Variants in MECOM observed in about 807,000 individuals in gnomAD.
MECOM encodes the protein MDS1 and EVI1 complex locus.
MECOM carries 13 observed loss-of-function variants against 116.3 expected under a neutral mutation model. The ratio of observed to expected loss-of-function variants is 0.11; its 90% confidence interval spans 0.07 to 0.18. The LOEUF (loss-of-function observed/expected upper bound fraction) is 0.18, where lower values mean the gene tolerates loss of function less well. Ranked by LOEUF, MECOM falls within the 10% of genes least tolerant of loss-of-function variation. MECOM has a pLI of 1.00. For missense variants in MECOM, 1,299 were observed against 1,509.0 expected (o/e 0.86, Z 2.31); for synonymous variants, 528 against 535.2 (o/e 0.99, Z 0.19).
At chr3:169,309,817 G>A (rs894530244) in intron 2 of MECOM, among the ~76,000 whole-genome samples, 5 of 152,092 alleles carry the variant, frequency 3.3e-5, no homozygotes, top group South Asian at 2.1e-4. Context: ...AACTCATGTC[G>A]CCACCTTGAG....
intron 5 of MECOM, among the ~76,000 whole-genome samples, chr3:169,124,069 T>C (rs116816521): frequency 1.7e-3 from 253 of 152,194 alleles, no homozygotes; most frequent in Non-Finnish European, 3.0e-3. Context: ...GAAACAATGA[T>C]AGAGTTAGAG....
At chr3:169,097,678 G>C (rs572425077) in intron 12 of MECOM, among the ~76,000 whole-genome samples, 1 of 151,882 alleles carries the variant, frequency 6.6e-6, no homozygotes, top group African/African-American at 2.4e-5. Context: ...GTAAGATATG[G>C]ATTCTCCGGG....
chr3:169,152,527 T>C (rs900675316), intron 2 of MECOM, among the ~76,000 whole-genome samples: 3 of 152,198 alleles, frequency 2.0e-5, no homozygotes, highest in African/African-American at 7.2e-5. Context: ...TACTCTCCTA[T>C]TCGGCTCTCC....
At chr3:169,292,439 A>G (rs73034967) in intron 2 of MECOM, among the ~76,000 whole-genome samples, 5,679 of 152,250 alleles carry the variant, frequency 0.037, 284 homozygotes, top group African/African-American at 0.11. Context: ...CCCCTACAGA[A>G]TCCCTTCCTG....
At chr3:169,135,546 A>G (rs1322979346) in intron 3 of MECOM, among the ~76,000 whole-genome samples, 4 of 151,958 alleles carry the variant, frequency 2.6e-5, no homozygotes, top group Non-Finnish European at 5.9e-5. Context: ...AGTCATAATA[A>G]ATATTTTAAA....
chr3:169,233,655 T>C (rs1391812668), intron 2 of MECOM, among the ~76,000 whole-genome samples: 1 of 152,180 alleles, frequency 6.6e-6, no homozygotes, highest in Non-Finnish European at 1.5e-5. Context: ...TTTTTATTTC[T>C]CTGCCAGTGA....
intron 1 of MECOM, among the ~76,000 whole-genome samples, chr3:169,414,719 C>T (rs902288091): frequency 3.3e-5 from 5 of 152,116 alleles, no homozygotes; most frequent in African/African-American, 9.6e-5. Context: ...AAACACAGCA[C>T]GAGAACTTCG....
chr3:169,268,928 T>C (rs1758613394), intron 2 of MECOM, among the ~76,000 whole-genome samples: 1 of 152,134 alleles, frequency 6.6e-6, no homozygotes, highest in South Asian at 2.1e-4. Context: ...GACACACAGT[T>C]TCTAATTACT....
At chr3:169,287,623 C>G (rs1482319330) in intron 2 of MECOM, among the ~76,000 whole-genome samples, 1 of 152,028 alleles carries the variant, frequency 6.6e-6, no homozygotes, top group African/African-American at 2.4e-5. Context: ...ATGCATGAAG[C>G]TGGTGTTCAA....
At chr3:169,594,174 A>AAAAAAAAAAAAAAAAAAAAAAAAAAC (rs1255613781) in intron 1 of MECOM, among the ~76,000 whole-genome samples, 57 of 125,948 alleles carry the variant, frequency 4.5e-4, no homozygotes, top group Non-Finnish European at 5.7e-4. Flanking sequence ...AAAAAAAAAA[A>AAAAAAAAAAAAAAAAAAAAAAAAAAC]AACACCTTTT....
chr3:169,420,070 C>T (rs1475198836), intron 1 of MECOM, among the ~76,000 whole-genome samples: 2 of 152,098 alleles, frequency 1.3e-5, no homozygotes, highest in African/African-American at 4.8e-5. Context: ...TACCATCTCA[C>T]GCCAGTTAGA....
At chr3:169,518,066 T>C (rs968757710) in intron 1 of MECOM, among the ~76,000 whole-genome samples, 7 of 152,132 alleles carry the variant, frequency 4.6e-5, no homozygotes, top group Non-Finnish European at 1.0e-4. Flanking sequence ...GAGACCATCC[T>C]GGCTAACATG....
intron 1 of MECOM, among the ~76,000 whole-genome samples, chr3:169,561,084 A>G (rs1762579348): frequency 6.6e-6 from 1 of 151,850 alleles, no homozygotes; most frequent in African/African-American, 2.4e-5. Flanking sequence ...TCTAGTAATC[A>G]GAAAAATTTT....
At chr3:169,563,084 A>G (rs1485645820) in intron 1 of MECOM, among the ~76,000 whole-genome samples, 4 of 147,172 alleles carry the variant, frequency 2.7e-5, no homozygotes, top group Non-Finnish European at 4.5e-5. Flanking sequence ...AAAAAAAAAA[A>G]TGCTGATAAG....
At chr3:169,102,289 G>T in intron 10 of MECOM, 63 bp from the exon 11 acceptor site, 1 of 1,466,742 alleles carries the variant, frequency 6.8e-7, no homozygotes, top group Non-Finnish European at 9.2e-7. Flanking sequence ...ATAATCTCTG[G>T]CAAACCAAGG....
intron 1 of MECOM, among the ~76,000 whole-genome samples, chr3:169,583,618 A>G (rs1371650660): frequency 1.3e-5 from 2 of 152,198 alleles, no homozygotes; most frequent in East Asian, 1.9e-4. Context: ...GTTCATAATC[A>G]TGACTTGATA....
At chr3:169,619,918 C>G (rs568664731) in intron 1 of MECOM, among the ~76,000 whole-genome samples, 5 of 152,368 alleles carry the variant, frequency 3.3e-5, no homozygotes, top group African/African-American at 9.6e-5. Flanking sequence ...ACCCTGGTGT[C>G]CCCCTGCGGA....
intron 1 of MECOM, among the ~76,000 whole-genome samples, chr3:169,428,378 C>T (rs1474900505): frequency 2.0e-5 from 3 of 152,142 alleles, no homozygotes; most frequent in Non-Finnish European, 2.9e-5. Context: ...AGCCTAGATC[C>T]TTCACATGCG....
At chr3:169,663,163 C>A (rs1048512029) in intron 1 of MECOM, among the ~76,000 whole-genome samples, 173 bp downstream of exon 1, 1 of 151,374 alleles carries the variant, frequency 6.6e-6, no homozygotes, top group Non-Finnish European at 1.5e-5. Flanking sequence ...AGAGCGCGGG[C>A]GACCGGGAGC....
Sources: gnomAD v4.1 joint callset for allele counts (sites outside exome capture counted in the v4.1 genomes callset) on GRCh38, gnomAD v4.1.1 for gene constraint, MANE v1.5 for transcripts, NCBI Gene and HGNC (gene_info 2026-07-23, HGNC 2026-07-21) for gene names.